The following HPS1 variants were observed in gnomAD, a reference collection of about 807,000 sequenced individuals.
The protein encoded by HPS1 is HPS1 biogenesis of lysosomal organelles complex 3 subunit 1.
A neutral mutation model predicts 90.6 loss-of-function variants in HPS1; 59 were observed. The ratio of observed to expected loss-of-function variants is 0.65; its 90% CI spans 0.53 to 0.81. The LOEUF (loss-of-function observed/expected upper bound fraction) is 0.81. Ranked by LOEUF, HPS1 falls within the 30% of genes least tolerant of loss-of-function variation. The pLI, the probability that HPS1 is intolerant of heterozygous loss-of-function variation, is 0.00. For missense variants in HPS1, 849 were observed against 896.7 expected (o/e 0.95, Z 0.68); for synonymous variants, 388 against 384.4 (o/e 1.01, Z -0.11).
rs752892771 is a variant in HPS1, at chr10:98,418,231, C to T, written c.1884G>A (p.Val628=). The T allele has an allele frequency of 1.2e-6, 2 of 1,609,636 alleles. No individual in the cohort carries two copies. Among genetic ancestry groups the T allele is most frequent in the Admixed American group, 3.3e-5 (2 of 59,760 alleles). ...DMGYKLQMIE[V]PVLSDDSVPI... The stretch of plus-strand genomic sequence containing the variant: ...GCACTGAGTCGTCGGAGAGGACGGG[C>T]ACCTCGATCATCTGGAGTTTGTACC... The change falls in exon 19 of 20, where the codon GTG becomes GTA. Residue 628 remains valine (V), a synonymous_variant. Coordinates refer to ENST00000361490, the MANE Select transcript of HPS1 (RefSeq NM_000195.5).
rs1939731526 is a variant in HPS1 at position 98,446,935 on chromosome 10, T to C, written c.-234A>G. 1 of 152,132 alleles carries C rather than the reference T, an allele frequency of 6.6e-6. No individual in the cohort carries two copies. The highest frequency in any genetic ancestry group is 1.9e-4 in the East Asian group (1 of 5,150). The allele number at this position is 152,132 out of a possible 1,614,324, so 9.4% of individuals were successfully genotyped here. On this transcript the variant is annotated 5_prime_UTR_variant, in exon 1 of 20. Transcript: ENST00000361490. The stretch of plus-strand genomic sequence containing the variant: ...CCGCCTGCAGGAGCCCGGGCGCGCT[T>C]CCGGGTAGGACCGCGTGATCGCGCA...
Position 98,418,167 on chromosome 10 carries a change from A to C in HPS1, c.1940+8T>G. Reference sequence around the variant, plus strand: ...ATCTGTCCCCAGTGGCTCCCAACGCAGCGTCACCTGTAGTAGTCTCCTCCC... The same window carrying C: ...ATCTGTCCCCAGTGGCTCCCAACGCCGCGTCACCTGTAGTAGTCTCCTCCC... On this transcript the variant is annotated splice_region_variant and intron_variant, in intron 19 of 19. Coordinates refer to ENST00000361490, the MANE Select transcript of HPS1 (RefSeq NM_000195.5). 6.3e-7 allele frequency: 1 copy of C among 1,588,592 alleles called. No individual in the cohort carries two copies. The highest frequency in any genetic ancestry group is 1.7e-4 in the Middle Eastern group (1 of 5,976).
chr10:98,414,187 A>C (rs1250667996), downstream of HPS1: 1 of 152,118 alleles, frequency 6.6e-6, no homozygotes, highest in Admixed American at 6.5e-5. Context: ...GCTCTAGTAC[A>C]TATGAAAATG....
rs754917612 is a variant in HPS1 at position 98,434,011 on chromosome 10, C to A, written c.479G>T (p.Arg160Leu). The A allele has an allele frequency of 1.3e-6, 2 of 1,558,910 alleles. No individual in the cohort carries two copies. The highest frequency in any genetic ancestry group is 8.7e-7 in the Non-Finnish European group (1 of 1,151,226). ...CACGGCGAAGCACTGCTCCTGCTCC[C>A]GCAGGCGGCTGTAGGTCCACAGCAG... is the stretch of plus-strand genomic sequence containing the variant. ...QSLLWTYSRLREQEQCFAVEA... is the reference protein window; with the variant it reads ...QSLLWTYSRLLEQEQCFAVEA... Residue 160 changes from arginine (R) to leucine (L), a missense_variant, in exon 6 of 20, where the codon CGG (arginine) becomes CTG (leucine). Coordinates refer to ENST00000361490, the MANE Select transcript of HPS1 (RefSeq NM_000195.5).
intron 17 of HPS1, among the ~76,000 whole-genome samples, chr10:98,421,975 CACAG>C (rs1160845349): frequency 1.5e-5 from 2 of 129,124 alleles, no homozygotes; most frequent in African/African-American, 3.3e-5. Context: ...AACACACACA[CACAG>C]ACACACACAC....
At chr10:98,443,391 C>T in intron 2 of HPS1, 151 bp from the exon 3 acceptor site, 1 of 749,568 alleles carries the variant, frequency 1.3e-6, no homozygotes, top group South Asian at 1.4e-5. Flanking sequence ...TTTGTTGCAC[C>T]CTCACAACTG....
In HPS1 at chr10:98,435,230, G is replaced by A; in HGVS notation, c.398+42C>T. ...GCACACGCTGCCTGGCCCAGCGAGG[G>A]TGCTCGGCAAAGGACAGAGGGGACC... is the stretch of plus-strand genomic sequence containing the variant. On this transcript the variant is annotated intron_variant, in intron 5 of 19. Transcript: ENST00000361490. The surrounding 1 kb of genome is among the most constrained non-coding windows in gnomAD (Gnocchi z 4.3). 1 of 1,613,144 alleles carries A rather than the reference G, an allele frequency of 6.2e-7. No homozygotes were observed. Among genetic ancestry groups the A allele is most frequent in the Non-Finnish European group, 8.5e-7 (1 of 1,179,714 alleles).
At chr10:98,415,088 G>A, downstream of HPS1, 1 of 1,614,074 alleles carries the variant, frequency 6.2e-7, no homozygotes. Flanking sequence ...ACGCCGGGAA[G>A]GGAGAGGCGG....
At position 98,418,233 on chromosome 10, in the gene HPS1, C is replaced by T; in HGVS notation, c.1882G>A (p.Val628Met). 1 of 1,609,542 alleles carries T rather than the reference C, an allele frequency of 6.2e-7. No individual in the cohort carries two copies. The highest frequency in any genetic ancestry group is 8.5e-7 in the Non-Finnish European group (1 of 1,176,992). ...ACTGAGTCGTCGGAGAGGACGGGCA[C>T]CTCGATCATCTGGAGTTTGTACCCC... The part of the protein sequence containing the change: ...DMGYKLQMIE[V>M]PVLSDDSVPI... The change falls in exon 19 of 20, where the codon GTG becomes ATG. Residue 628 changes from valine (V) to methionine (M), a missense_variant. By Grantham distance (21) the Val-to-Met change is conservative (BLOSUM62 1). Coordinates refer to ENST00000361490, the MANE Select transcript of HPS1 (RefSeq NM_000195.5).
chr10:98,443,210 C>A lies in HPS1; in HGVS notation c.31G>T (p.Ala11Ser). MKCVLVATEG[A>S]EVLFYWTDQE... ...TCTGTCCAGTAGAAGAGGACCTCTG[C>A]GCCCTCAGTGGCCACCAAGACGCAC... Residue 11 changes from alanine (A) to serine (S), a missense_variant, in exon 3 of 20, where the codon GCA becomes TCA. Transcript: ENST00000361490. The A allele has an allele frequency of 6.2e-7, 1 of 1,614,006 alleles. No homozygotes were observed. The highest frequency in any genetic ancestry group is 8.5e-7 in the Non-Finnish European group (1 of 1,179,946).
rs916946539 is a variant in HPS1 at position 98,435,189 on chromosome 10, G to A, written c.398+83C>T. The stretch of plus-strand genomic sequence containing the variant: ...TGGGGGCAGTATGTGAAAAATGGCA[G>A]CTTCACAGGGGCTGGGCACACGCTG... On this transcript the variant is annotated intron_variant, in intron 5 of 19. Coordinates refer to ENST00000361490, the MANE Select transcript of HPS1 (RefSeq NM_000195.5). This position sits in a 1 kb window ranked among gnomAD's most constrained non-coding sequence, Gnocchi z 4.3. The A allele has an allele frequency of 6.4e-7, 1 of 1,569,806 alleles. No individual in the cohort carries two copies. The highest frequency in any genetic ancestry group is 1.3e-5 in the African/African-American group (1 of 74,082).
rs1845553707 is a variant in HPS1 at position 98,425,959 on chromosome 10, C to A, written c.1014G>T (p.Leu338=). ...LQIAEDTLQT[L]VPHCPVPSGP... Reference sequence around the variant, plus strand: ...CGGAAGGCACAGGGCAGTGGGGAACCAGTGTTTGGAGGGTGTCCTCTGCTA... The same window carrying A: ...CGGAAGGCACAGGGCAGTGGGGAACAAGTGTTTGGAGGGTGTCCTCTGCTA... Residue 338 remains leucine, a synonymous_variant, in exon 12 of 20, where the codon CTG becomes CTT. Coordinates refer to ENST00000361490, the MANE Select transcript of HPS1 (RefSeq NM_000195.5). 1.2e-6 allele frequency: 2 copies of A among 1,614,076 alleles called. No individual in the cohort carries two copies. The highest frequency in any genetic ancestry group is 2.2e-5 in the East Asian group (1 of 44,866).
chr10:98,426,009 T>C, intron 11 of HPS1, 24 bp from the exon 12 acceptor site: 1 of 1,611,584 alleles, frequency 6.2e-7, no homozygotes, highest in African/African-American at 1.3e-5. Flanking sequence ...AGAGCTGCAG[T>C]GAGAGGTGGG....
In HPS1 at chr10:98,423,633, A is replaced by G; in HGVS notation, c.1568T>C (p.Val523Ala). ...KLTDWKDFLL[V>A]KSRRNITMVS... is the part of the protein sequence containing the mutation. ...CATGGTGATGTTCCTCCTGCTCTTC[A>G]CCAGCAAGAAGTCCTTCCAGTCCGT... Residue 523 changes from valine to alanine, a missense_variant, in exon 16 of 20, where the codon GTG (valine) becomes GCG (alanine). Val to Ala is a moderately conservative substitution (Grantham distance 64). Transcript: ENST00000361490. The G allele has an allele frequency of 1.9e-6, 3 of 1,613,862 alleles. No homozygotes were observed. Among genetic ancestry groups the G allele is most frequent in the Non-Finnish European group, 1.7e-6 (2 of 1,179,910 alleles).
At chr10:98,442,859 C>G in intron 3 of HPS1, 1 of 484,684 alleles carries the variant, frequency 2.1e-6, no homozygotes, top group South Asian at 2.1e-5. Flanking sequence ...TCTTCTGTTA[C>G]GTGATAAAAT....
intron 3 of HPS1, among the ~76,000 whole-genome samples, chr10:98,438,929 G>A (rs944667485): frequency 3.3e-5 from 5 of 152,186 alleles, no homozygotes; most frequent in Admixed American, 2.0e-4. Context: ...GCACTCTGGG[G>A]ACATGGTGCC....
At position 98,425,989 on chromosome 10, in the gene HPS1, C is replaced by A; in HGVS notation, c.988-4G>T. The A allele has an allele frequency of 6.2e-7, 1 of 1,613,846 alleles. No homozygotes were observed. Among genetic ancestry groups the A allele is most frequent in the Non-Finnish European group, 8.5e-7 (1 of 1,179,884 alleles). ...TTTGGAGGGTGTCCTCTGCTATCTA[C>A]AGAGGAAGAAGAGCTGCAGTGAGAG... On this transcript the variant is annotated splice_polypyrimidine_tract_variant and splice_region_variant and intron_variant, in intron 11 of 19. Transcript: ENST00000361490.
chr10:98,424,575 T>C (rs918062706), intron 13 of HPS1, among the ~76,000 whole-genome samples: 2 of 151,462 alleles, frequency 1.3e-5, no homozygotes, highest in African/African-American at 2.4e-5. Context: ...CTCAGCAGCG[T>C]TTATTTAAAG....
intron 17 of HPS1, among the ~76,000 whole-genome samples, chr10:98,420,630 C>T (rs971671294): frequency 7.9e-5 from 12 of 152,138 alleles, no homozygotes; most frequent in African/African-American, 2.9e-4. Context: ...ATGAGAGGAT[C>T]GCTTGAGCCC....
Sources: allele counts gnomAD v4.1 joint callset (sites outside exome capture counted in the v4.1 genomes callset), GRCh38; gene constraint gnomAD v4.1.1; non-coding constraint Gnocchi (gnomAD v3.1); transcripts MANE v1.5; gene names NCBI Gene and HGNC (gene_info 2026-07-23, HGNC 2026-07-21).